Variants in NEK11 observed in about 807,000 individuals in gnomAD.
NEK11 encodes serine/threonine-protein kinase Nek11.
In NEK11, 72 loss-of-function variants were observed where a neutral mutation model predicts 80.7. The observed-to-expected ratio is 0.89, with a 90% CI of 0.74 to 1.08. The LOEUF is 1.08. Ranked by LOEUF, NEK11 falls within the 50% of genes least tolerant of loss-of-function variation. The probability of loss-of-function intolerance (pLI) is 0.00; values close to 1 mark genes in which losing one functional copy is unlikely to be tolerated. For synonymous variants in NEK11, 251 were observed against 260.7 expected (o/e 0.96, Z 0.36); for missense variants, 764 against 763.6 (o/e 1.00, Z -0.01).
At chr3:131,331,906 T>C (rs888746404) in intron 17 of NEK11, among the ~76,000 whole-genome samples, 2 of 152,066 alleles carry the variant, frequency 1.3e-5, no homozygotes, top group African/African-American at 2.4e-5. Context: ...GCAGCGAGGC[T>C]GGGGGAGGGG....
Position 131,134,030 on chromosome 3 carries a change from T to G in NEK11, c.647+74T>G, listed in dbSNP as rs139198557. 1,285 of 1,302,488 alleles carry G rather than the reference T, an allele frequency of 9.9e-4. 13 individuals carry two copies. In the African/African-American group the frequency reaches 0.017, roughly 17 times the overall value. 80.7% of individuals were successfully genotyped at this position (1,302,488 alleles called of 1,614,324 possible). ...GGTACATTTTGTCTTTCAGCTCATT[T>G]ACTTACTGCATACATTCACTTTATC... is the stretch of plus-strand genomic sequence containing the variant. On this transcript the variant is annotated intron_variant, in intron 7 of 17. Transcript: ENST00000383366.
At chr3:131,260,814 G>A (rs2095904574) in intron 16 of NEK11, among the ~76,000 whole-genome samples, 1 of 152,134 alleles carries the variant, frequency 6.6e-6, no homozygotes, top group Non-Finnish European at 1.5e-5. Flanking sequence ...AGAGCAAGAC[G>A]AGGGTTAAAG....
chr3:131,318,345 A>G (rs1342217067), intron 17 of NEK11, among the ~76,000 whole-genome samples: 1 of 151,986 alleles, frequency 6.6e-6, no homozygotes, highest in African/African-American at 2.4e-5. Context: ...GAGAATGTTA[A>G]TTAGTGTGAT....
intron 14 of NEK11, among the ~76,000 whole-genome samples, chr3:131,222,073 A>G (rs1480916601): frequency 6.6e-6 from 1 of 152,120 alleles, no homozygotes; most frequent in Non-Finnish European, 1.5e-5. Context: ...TCTATCTCGT[A>G]AGTCAAAAGT....
At chr3:131,225,122 G>C (rs1291568872) in intron 14 of NEK11, among the ~76,000 whole-genome samples, 1 of 152,156 alleles carries the variant, frequency 6.6e-6, no homozygotes, top group African/African-American at 2.4e-5. Context: ...AGTCCTGCGT[G>C]CTCCATTCAT....
At chr3:131,097,297 G>C (rs2149223142) in intron 4 of NEK11, among the ~76,000 whole-genome samples, 1 of 151,904 alleles carries the variant, frequency 6.6e-6, no homozygotes, top group Admixed American at 6.6e-5. Flanking sequence ...CTAGATCCCT[G>C]AGGAATCACC....
chr3:131,184,804 C>A, intron 14 of NEK11: 1 of 807,538 alleles, frequency 1.2e-6, no homozygotes, highest in South Asian at 3.6e-5. Context: ...TTTTGAGTCC[C>A]CTAGCTGTTG....
At chr3:131,318,387 A>C (rs1360994294) in intron 17 of NEK11, among the ~76,000 whole-genome samples, 2 of 152,218 alleles carry the variant, frequency 1.3e-5, no homozygotes, top group Admixed American at 6.5e-5. Flanking sequence ...ACGTCTGTTC[A>C]AATTTTTTAA....
At position 131,316,246 on chromosome 3, in the gene NEK11, T is replaced by C. The variant is rs144909803; in HGVS notation, c.1719-33311T>C. Among the ~76,000 whole-genome samples, 53 of 152,318 alleles carry C rather than the reference T, an allele frequency of 3.5e-4. No homozygotes were observed. In the East Asian group the frequency reaches 0.01, roughly 29 times the overall value. On this transcript the variant is annotated intron_variant, in intron 17 of 17. Transcript: ENST00000383366. ...AAAACAACCTAATTGCTAATCACTGTATTTTAAAATTATCCTTAATTAGAG... is the reference window on the plus strand; with the variant it reads ...AAAACAACCTAATTGCTAATCACTGCATTTTAAAATTATCCTTAATTAGAG...
intron 4 of NEK11, among the ~76,000 whole-genome samples, chr3:131,083,155 G>A (rs2075519274): frequency 6.6e-6 from 1 of 152,232 alleles, no homozygotes; most frequent in Admixed American, 6.5e-5. Context: ...CCTGCCAAAT[G>A]AGCCCAAAGC....
At chr3:131,230,032 G>T (rs1244790717) in intron 15 of NEK11, among the ~76,000 whole-genome samples, 3 of 152,004 alleles carry the variant, frequency 2.0e-5, no homozygotes, top group Non-Finnish European at 4.4e-5. Context: ...CAACTGTAAC[G>T]GATATTATTG....
intron 15 of NEK11, among the ~76,000 whole-genome samples, chr3:131,236,080 T>A (rs2095425658): frequency 6.6e-6 from 1 of 152,210 alleles, no homozygotes; most frequent in Non-Finnish European, 1.5e-5. Flanking sequence ...AATAAACAAC[T>A]GTGTATCACA....
At position 131,074,985 on chromosome 3, in the gene NEK11, AC is replaced by A. The variant is rs775730797; in HGVS notation, c.171-5437del. On this transcript the variant is annotated intron_variant, in intron 3 of 17. Coordinates refer to ENST00000383366, the MANE Select transcript of NEK11 (RefSeq NM_024800.5). ...TTGGCACATAGAAGATAGTTAATAG[AC>A]AGTAAAGTAACAGAAGCGTGAGATT... 1.8e-4 allele frequency among the ~76,000 whole-genome samples: 27 copies of A among 152,300 alleles called. 1 individual carries two copies. In the South Asian group the frequency reaches 5.2e-3, roughly 29 times the overall value.
chr3:131,065,289 T>G (rs188668501), intron 3 of NEK11, among the ~76,000 whole-genome samples: 22 of 152,368 alleles, frequency 1.4e-4, no homozygotes, highest in Admixed American at 1.2e-3. Context: ...AAGTCTTAAA[T>G]GAATGACAAG....
intron 16 of NEK11, among the ~76,000 whole-genome samples, chr3:131,259,454 C>T (rs934343242): frequency 5.3e-5 from 8 of 152,192 alleles, no homozygotes; most frequent in Non-Finnish European, 7.3e-5. Flanking sequence ...ACAATAATCT[C>T]CATGCCCTCA....
intron 13 of NEK11, 128 bp downstream of exon 13, chr3:131,169,065 A>G (rs1417199419): frequency 6.9e-6 from 4 of 578,562 alleles, no homozygotes; most frequent in Non-Finnish European, 1.2e-5. Flanking sequence ...ATGTAGCAGG[A>G]AAAAGCTTCA....
At chr3:131,291,336 GAC>G (rs1419502821) in intron 17 of NEK11, among the ~76,000 whole-genome samples, 2 of 152,016 alleles carry the variant, frequency 1.3e-5, no homozygotes, top group Non-Finnish European at 2.9e-5. Flanking sequence ...TCTGCTGAAG[GAC>G]ATCTTGGTTG....
intron 16 of NEK11, among the ~76,000 whole-genome samples, chr3:131,249,337 A>G (rs1991442): frequency 0.41 from 61,941 of 152,016 alleles, 15,606 homozygotes; most frequent in Non-Finnish European, 0.54. Context: ...ATAAATGCTC[A>G]AGATTTGGAG....
chr3:131,123,900 A>G (rs541169532), intron 5 of NEK11, among the ~76,000 whole-genome samples: 4 of 152,148 alleles, frequency 2.6e-5, no homozygotes, highest in African/African-American at 9.7e-5. Flanking sequence ...GAGAAAATTT[A>G]TTACCTTGCC....
Sources: allele counts gnomAD v4.1 joint callset (sites outside exome capture counted in the v4.1 genomes callset), GRCh38; gene constraint gnomAD v4.1.1; transcripts MANE v1.5; gene names NCBI Gene and HGNC (gene_info 2026-07-23, HGNC 2026-07-21).